The following ING2 variants were observed in gnomAD, a reference collection of about 807,000 sequenced individuals.
The protein encoded by ING2 is inhibitor of growth protein 2.
A neutral mutation model predicts 30.6 loss-of-function variants in ING2; 7 were observed. The observed-to-expected ratio is 0.23, with a 90% CI of 0.13 to 0.43. The LOEUF (loss-of-function observed/expected upper bound fraction) is 0.43, where lower values mean the gene tolerates loss of function less well. Ranked by LOEUF, ING2 falls within the 20% of genes least tolerant of loss-of-function variation. The pLI, the probability that ING2 is intolerant of heterozygous loss-of-function variation, is 1.00. For synonymous variants in ING2, 136 were observed against 121.7 expected (o/e 1.12, Z -0.78); for missense variants, 239 against 334.9 (o/e 0.71, Z 2.24).
In ING2 at chr4:183,510,273, T is replaced by C. The variant is rs754713747; in HGVS notation, c.173-9T>C. ...GATAACGTTCTCATTTTTCTTTTCCTTTTTTTAGAAACGTTAAAGGAAATT... is the reference window on the plus strand; with the variant it reads ...GATAACGTTCTCATTTTTCTTTTCCCTTTTTTAGAAACGTTAAAGGAAATT... On this transcript the variant is annotated splice_polypyrimidine_tract_variant and intron_variant, in intron 1 of 1. Transcript: ENST00000302327. 5 of 1,537,076 alleles carry C rather than the reference T, an allele frequency of 3.3e-6. No homozygotes were observed. The Admixed American group carries it at 1.1e-4, about 32-fold the overall frequency.
chr4:183,510,021 C>G (rs1219800717), intron 1 of ING2, among the ~76,000 whole-genome samples: 1 of 152,232 alleles, frequency 6.6e-6, no homozygotes, highest in Non-Finnish European at 1.5e-5. Flanking sequence ...CAGGCGTGAG[C>G]CACCGCGCCC....
In ING2 at chr4:183,505,300, G is replaced by A; in HGVS notation, c.105G>A (p.Val35=). 1 of 1,567,336 alleles carries A rather than the reference G, an allele frequency of 6.4e-7. No individual in the cohort carries two copies. The highest frequency in any genetic ancestry group is 1.2e-5 in the South Asian group (1 of 85,566). The stretch of plus-strand genomic sequence containing the variant: ...ACGTGCAGGACTACCTTGAGTGCGT[G>A]GAGTCGCTGCCCCACGACATGCAGA... ...TCYVQDYLEC[V]ESLPHDMQRN... is the part of the protein sequence containing the mutation. The change falls in exon 1 of 2, where the codon GTG becomes GTA. Residue 35 remains valine, a synonymous_variant. Coordinates refer to ENST00000302327, the MANE Select transcript of ING2 (RefSeq NM_001564.4).
chr4:183,505,457 C>T, intron 1 of ING2, 90 bp downstream of exon 1: 1 of 1,298,006 alleles, frequency 7.7e-7, no homozygotes, highest in Non-Finnish European at 1.0e-6. Context: ...GTGACAGTCT[C>T]CCCGAGCGCA....
chr4:183,509,864 C>T (rs1249026855), intron 1 of ING2, among the ~76,000 whole-genome samples: 1 of 151,518 alleles, frequency 6.6e-6, no homozygotes, highest in Non-Finnish European at 1.5e-5. Flanking sequence ...TCCCAAGTAG[C>T]TGAAATGATG....
Position 183,505,283 on chromosome 4 carries a change from G to C in ING2, c.88G>C (p.Asp30His). The C allele has an allele frequency of 6.3e-7, 1 of 1,581,724 alleles. No individual in the cohort carries two copies. The highest frequency in any genetic ancestry group is 2.4e-5 in the East Asian group (1 of 42,236). ...CCGGCTGCTCACCTGCTACGTGCAG[G>C]ACTACCTTGAGTGCGTGGAGTCGCT... is the stretch of plus-strand genomic sequence containing the variant. ...RSRLLTCYVQ[D>H]YLECVESLPH... The change falls in exon 1 of 2, where the codon GAC becomes CAC. Residue 30 changes from aspartate (D) to histidine (H), a missense_variant. By Grantham distance (81) the Asp-to-His change is moderately conservative. Coordinates refer to ENST00000302327, the MANE Select transcript of ING2 (RefSeq NM_001564.4).
In ING2 at chr4:183,511,303, A is replaced by G. The variant is rs1303640197; in HGVS notation, c.*351A>G. 1.3e-5 allele frequency among the ~76,000 whole-genome samples: 2 copies of G among 152,236 alleles called. No homozygotes were observed. Among genetic ancestry groups the G allele is most frequent in the Non-Finnish European group, 2.9e-5 (2 of 68,046 alleles). The stretch of plus-strand genomic sequence containing the variant: ...AGTTTCACTAGCATTTTAGTTATAC[A>G]TGCTTAAAAAAATGTTAGATGTAGT... On this transcript the variant is annotated 3_prime_UTR_variant, in exon 2 of 2. Transcript: ENST00000302327.
Position 183,511,038 on chromosome 4 carries a change from A to C in ING2, c.*86A>C. The stretch of plus-strand genomic sequence containing the variant: ...AAATGTTTTAGGGTAAATGCATAAG[A>C]CTATGCAATAATTTTTAATCATTAG... On this transcript the variant is annotated 3_prime_UTR_variant, in exon 2 of 2. Coordinates refer to ENST00000302327, the MANE Select transcript of ING2 (RefSeq NM_001564.4). The C allele has an allele frequency of 9.9e-7, 1 of 1,005,794 alleles. No individual in the cohort carries two copies. Among genetic ancestry groups the C allele is most frequent in the Middle Eastern group, 2.1e-4 (1 of 4,654 alleles). The allele number at this position is 1,005,794 out of a possible 1,614,324, so 62.3% of individuals were successfully genotyped here. A position where few individuals can be genotyped will look rare whatever the true frequency, so the allele number is the denominator to read the frequency against.
chr4:183,507,129 C>T (rs555366847), intron 1 of ING2, among the ~76,000 whole-genome samples: 1 of 152,166 alleles, frequency 6.6e-6, no homozygotes, highest in Non-Finnish European at 1.5e-5. Flanking sequence ...TAGACAGAGC[C>T]TTGCTCTGTC....
chr4:183,505,627 G>A (rs1298897706), intron 1 of ING2, among the ~76,000 whole-genome samples: 5 of 152,130 alleles, frequency 3.3e-5, no homozygotes, highest in African/African-American at 4.8e-5. Flanking sequence ...GCCGCTGAGG[G>A]GAATCAGCCA....
At chr4:183,505,961 C>T in intron 1 of ING2, 1 of 487,860 alleles carries the variant, frequency 2.0e-6, no homozygotes, top group Non-Finnish European at 2.9e-6. Flanking sequence ...TAGCCCTAGC[C>T]CAGTTCTTTC....
chr4:183,505,984 A>T, intron 1 of ING2: 3 of 685,306 alleles, frequency 4.4e-6, no homozygotes, highest in Non-Finnish European at 3.9e-6. Context: ...CAAAATGGTT[A>T]AGAGGGGAGG....
chr4:183,507,110 T>G (rs1371531747), intron 1 of ING2, among the ~76,000 whole-genome samples: 5 of 152,192 alleles, frequency 3.3e-5, no homozygotes, highest in East Asian at 3.9e-4. Context: ...GTAGTTTGTG[T>G]TGTTGTTTTA....
intron 1 of ING2, chr4:183,506,392 T>G: frequency 9.6e-7 from 1 of 1,039,408 alleles, no homozygotes; most frequent in Non-Finnish European, 1.3e-6. Flanking sequence ...CCGCCTGGCG[T>G]CCCCGAGCCC....
At chr4:183,508,767 T>C (rs1487598065) in intron 1 of ING2, among the ~76,000 whole-genome samples, 1 of 152,212 alleles carries the variant, frequency 6.6e-6, no homozygotes, top group African/African-American at 2.4e-5. Flanking sequence ...CAGAACTCTT[T>C]GAGATAGCAT....
In ING2 at chr4:183,511,158, C is replaced by T; in HGVS notation, c.*206C>T. ...ATTTCCAACCAGGTAGTCTTCAGATCACCTGATGAAAGGAGCAGGGAACAG... is the reference window on the plus strand; with the variant it reads ...ATTTCCAACCAGGTAGTCTTCAGATTACCTGATGAAAGGAGCAGGGAACAG... On this transcript the variant is annotated 3_prime_UTR_variant, in exon 2 of 2. Transcript: ENST00000302327. 1 of 457,946 alleles carries T rather than the reference C, an allele frequency of 2.2e-6. No homozygotes were observed. Among genetic ancestry groups the T allele is most frequent in the Non-Finnish European group, 3.8e-6 (1 of 259,948 alleles). 28.4% of individuals were successfully genotyped at this position (457,946 alleles called of 1,614,324 possible).
chr4:183,505,374 G>C lies in ING2; in HGVS notation c.172+7G>C. 1 of 1,520,062 alleles carries C rather than the reference G, an allele frequency of 6.6e-7. No homozygotes were observed. 94.2% of individuals were successfully genotyped at this position (1,520,062 alleles called of 1,614,324 possible). On this transcript the variant is annotated splice_region_variant and intron_variant, in intron 1 of 1. Coordinates refer to ENST00000302327, the MANE Select transcript of ING2 (RefSeq NM_001564.4). ...CTGGACAACAAATATCAAGGTAGGA[G>C]CCGCGGGGCTGCCGGCCTCGGGAGC...
intron 1 of ING2, chr4:183,506,239 G>C: frequency 7.7e-7 from 1 of 1,304,268 alleles, no homozygotes; most frequent in South Asian, 1.2e-5. Context: ...ATGTTTTGCG[G>C]TGATGTTTCC....
At chr4:183,509,791 C>G (rs1368901171) in intron 1 of ING2, among the ~76,000 whole-genome samples, 2 of 133,434 alleles carry the variant, frequency 1.5e-5, no homozygotes, top group Non-Finnish European at 3.1e-5. Context: ...CGGAGTGCAG[C>G]GGTGCGATCT....
At position 183,505,194 on chromosome 4, in the gene ING2, G is replaced by C; in HGVS notation, c.-2G>C. 1 of 1,597,456 alleles carries C rather than the reference G, an allele frequency of 6.3e-7. No individual in the cohort carries two copies. The highest frequency in any genetic ancestry group is 8.5e-7 in the Non-Finnish European group (1 of 1,173,656). On this transcript the variant is annotated 5_prime_UTR_variant, in exon 1 of 2. Coordinates refer to ENST00000302327, the MANE Select transcript of ING2 (RefSeq NM_001564.4). ...GCGGCGGCGACGGCGCGGATCGGCA[G>C]GATGTTAGGGCAGCAGCAGCAGCAA...
Sources: allele counts gnomAD v4.1 joint callset (sites outside exome capture counted in the v4.1 genomes callset), GRCh38; gene constraint gnomAD v4.1.1; transcripts MANE v1.5; gene names NCBI Gene and HGNC (gene_info 2026-07-23, HGNC 2026-07-21).